Variants in CACNA1C observed in about 807,000 individuals in gnomAD.
The protein encoded by CACNA1C is voltage-dependent L-type calcium channel subunit alpha-1C.
In CACNA1C, 30 loss-of-function variants were observed where a neutral mutation model predicts 229.0. The observed-to-expected ratio is 0.13, with a 90% confidence interval of 0.10 to 0.18. CACNA1C has a LOEUF of 0.18. CACNA1C is among the 10% of genes least tolerant of loss of function. The pLI, the probability that CACNA1C is intolerant of heterozygous loss-of-function variation, is 1.00. For synonymous variants in CACNA1C, 1,114 were observed against 1,132.5 expected, an observed-to-expected ratio of 0.98 and a Z score of 0.33; for missense variants, 1,658 against 2,845.0, an observed-to-expected ratio of 0.58 and a Z score of 9.49.
chr12:2,084,038 A>G (rs1190107320), intron 1 of CACNA1C, among the ~76,000 whole-genome samples: 1 of 152,238 alleles, frequency 6.6e-6, no homozygotes, highest in South Asian at 2.1e-4. Context: ...TAAAATGCTG[A>G]TAGTATATCT....
chr12:1,988,340 A>T (rs916580490), intron 1 of CACNA1C, among the ~76,000 whole-genome samples: 6 of 152,226 alleles, frequency 3.9e-5, no homozygotes, highest in African/African-American at 1.4e-4. Context: ...ATCTTAAGCT[A>T]GTTCTTAAAA....
intron 3 of CACNA1C, among the ~76,000 whole-genome samples, chr12:2,247,693 CCTT>C (rs2073950869): frequency 6.6e-6 from 1 of 152,220 alleles, no homozygotes; most frequent in African/African-American, 2.4e-5. Context: ...TTTGCTGAAA[CCTT>C]CTAGGTCTTT....
intron 29 of CACNA1C, among the ~76,000 whole-genome samples, chr12:2,627,320 C>T (rs2087312425): frequency 6.6e-6 from 1 of 152,136 alleles, no homozygotes; most frequent in African/African-American, 2.4e-5. Context: ...TAAATGGCAT[C>T]CTGGTGTAAT....
At chr12:2,623,552 A>T (rs114149342) in intron 29 of CACNA1C, among the ~76,000 whole-genome samples, 4,355 of 152,024 alleles carry the variant, frequency 0.029, 231 homozygotes, top group African/African-American at 0.1. Context: ...CTTCCAGAGC[A>T]CCCTTTTCCC....
At chr12:2,301,208 G>A (rs984003456) in intron 3 of CACNA1C, among the ~76,000 whole-genome samples, 3 of 152,190 alleles carry the variant, frequency 2.0e-5, no homozygotes, top group African/African-American at 7.2e-5. Context: ...GGGTGTAGGC[G>A]ACAGGAGAGC....
chr12:2,625,629 C>T (rs566905493), intron 29 of CACNA1C, among the ~76,000 whole-genome samples: 3 of 152,226 alleles, frequency 2.0e-5, no homozygotes, highest in African/African-American at 7.2e-5. Flanking sequence ...CCAGACAGGG[C>T]AGGTGTGAAC....
intron 5 of CACNA1C, among the ~76,000 whole-genome samples, chr12:2,462,403 C>T (rs926428348): frequency 7.0e-6 from 1 of 143,242 alleles, no homozygotes; most frequent in Non-Finnish European, 1.5e-5. Flanking sequence ...TCCCCTCACT[C>T]CCCGTTCATC....
intron 3 of CACNA1C, among the ~76,000 whole-genome samples, chr12:2,190,277 C>T (rs544316440): frequency 1.3e-5 from 2 of 152,308 alleles, no homozygotes; most frequent in South Asian, 4.1e-4. Flanking sequence ...GGATGGAGCA[C>T]AGTGAAAAAT....
chr12:2,379,214 C>T (rs369093789), intron 3 of CACNA1C, among the ~76,000 whole-genome samples: 3 of 152,194 alleles, frequency 2.0e-5, no homozygotes, highest in African/African-American at 2.4e-5. Flanking sequence ...GTACAATTTT[C>T]TGGGTCCTGA....
chr12:1,985,380 T>C (rs558800650), intron 1 of CACNA1C, among the ~76,000 whole-genome samples: 1 of 152,312 alleles, frequency 6.6e-6, no homozygotes, highest in South Asian at 2.1e-4. Flanking sequence ...CTTTCCACTG[T>C]CATCTGCATT....
At chr12:2,278,362 A>C (rs1388204339) in intron 3 of CACNA1C, among the ~76,000 whole-genome samples, 1 of 152,218 alleles carries the variant, frequency 6.6e-6, no homozygotes, top group African/African-American at 2.4e-5. Context: ...GGGTGAGCAT[A>C]TCCATCACTC....
Position 2,354,019 on chromosome 12 carries a change from A to G in CACNA1C, c.478-94957A>G, listed in dbSNP as rs2097282642. 6.6e-6 allele frequency among the ~76,000 whole-genome samples: 1 copy of G among 152,096 alleles called. No individual in the cohort carries two copies. Among genetic ancestry groups the G allele is most frequent in the South Asian group, 2.1e-4 (1 of 4,820 alleles). ...TGTTCACACAGGTTAGAGGAAGGAG[A>G]ATCTGGAGACAAATGCCTGCCCAGC... On this transcript the variant is annotated intron_variant, in intron 3 of 46. Transcript: ENST00000399655. The surrounding 1 kb of genome is among the most constrained non-coding windows in gnomAD (Gnocchi z 4.6).
intron 1 of CACNA1C, among the ~76,000 whole-genome samples, chr12:2,070,684 A>G (rs1438409830): frequency 6.6e-6 from 1 of 152,210 alleles, no homozygotes; most frequent in Non-Finnish European, 1.5e-5. Flanking sequence ...TTGAAAAGAT[A>G]TATTAGTGTT....
chr12:2,053,579 C>T lies in CACNA1C; in HGVS notation c.17C>T (p.Thr6Met). 6.2e-7 allele frequency: 1 copy of T among 1,600,540 alleles called. No homozygotes were observed. ...TTTTGGTCCATGGTCAATGAGAATACGAGGATGTACATTCCAGAGGAAAAC... is the reference window on the plus strand; with the variant it reads ...TTTTGGTCCATGGTCAATGAGAATATGAGGATGTACATTCCAGAGGAAAAC... MVNENTRMYIPEENHQ... is the reference protein window; with the variant it reads MVNENMRMYIPEENHQ... The change falls in exon 1 of 47, where the codon ACG becomes ATG. Residue 6 changes from threonine to methionine, a missense_variant. Coordinates refer to ENST00000399655, the MANE Select transcript of CACNA1C (RefSeq NM_000719.7). The surrounding 1 kb of genome is among the most constrained non-coding windows in gnomAD (Gnocchi z 5.8).
At chr12:2,265,611 C>T (rs1346369430) in intron 3 of CACNA1C, among the ~76,000 whole-genome samples, 1 of 152,264 alleles carries the variant, frequency 6.6e-6, no homozygotes, top group East Asian at 1.9e-4. Flanking sequence ...ATCTTCCCTG[C>T]AAATGCAGGG....
intron 30 of CACNA1C, among the ~76,000 whole-genome samples, chr12:2,640,688 C>T (rs1405878094): frequency 6.6e-6 from 1 of 152,202 alleles, no homozygotes; most frequent in African/African-American, 2.4e-5. Flanking sequence ...GGTCCCAAGT[C>T]TTCCCCACCT....
intron 9 of CACNA1C, among the ~76,000 whole-genome samples, chr12:2,519,310 G>T (rs1010840045): frequency 1.1e-4 from 16 of 152,228 alleles, no homozygotes; most frequent in Admixed American, 3.9e-4. Flanking sequence ...GCAAACGCGA[G>T]TGCATGCCAT....
intron 29 of CACNA1C, among the ~76,000 whole-genome samples, chr12:2,628,676 A>G (rs1353036856): frequency 6.6e-6 from 1 of 152,022 alleles, no homozygotes; most frequent in East Asian, 1.9e-4. Flanking sequence ...CAGGGCGGAG[A>G]CAGGAGGATC....
intron 5 of CACNA1C, among the ~76,000 whole-genome samples, chr12:2,480,884 C>T (rs948749704): frequency 7.9e-5 from 12 of 152,208 alleles, no homozygotes; most frequent in African/African-American, 2.9e-4. Context: ...GGAATCCAAA[C>T]AATGGAATCT....
Sources: gnomAD v4.1 joint callset for allele counts (sites outside exome capture counted in the v4.1 genomes callset) on GRCh38, gnomAD v4.1.1 for gene constraint, Gnocchi (gnomAD v3.1) non-coding constraint, MANE v1.5 for transcripts, NCBI Gene and HGNC (gene_info 2026-07-23, HGNC 2026-07-21) for gene names.